ZNHIT3: variants seen among roughly 807,000 people sequenced by gnomAD.
ZNHIT3 encodes zinc finger HIT domain-containing protein 3.
A neutral mutation model predicts 19.9 loss-of-function variants in ZNHIT3; 27 were observed. The observed-to-expected ratio is 1.36, with a 90% CI of 1.00 to 1.87. ZNHIT3 has a LOEUF of 1.87. Among genes scored for constraint, ZNHIT3 ranks in the 40% most tolerant of loss-of-function variants. The pLI is 0.00. For missense variants in ZNHIT3, 215 were observed against 185.6 expected (o/e 1.16, Z -0.92); for synonymous variants, 81 against 65.7 (o/e 1.23, Z -1.13).
intron 2 of ZNHIT3, chr17:36,492,501 G>C (rs1452298740): frequency 3.1e-6 from 1 of 319,604 alleles, no homozygotes; most frequent in Non-Finnish European, 5.7e-6. Context: ...TATCCCATCT[G>C]GTATCTGGTT....
Position 36,486,972 on chromosome 17 carries a change from C to T in ZNHIT3, c.118+6C>T. 6.2e-7 allele frequency: 1 copy of T among 1,610,948 alleles called. No homozygotes were observed. Among genetic ancestry groups the T allele is most frequent in the Non-Finnish European group, 8.5e-7 (1 of 1,179,424 alleles). On this transcript the variant is annotated splice_donor_region_variant and intron_variant, in intron 2 of 4. Coordinates refer to ENST00000617429, the MANE Select transcript of ZNHIT3 (RefSeq NM_004773.4). ...CTGCTTCCGGAAGCACAAAGGTGAG[C>T]CCCGTCCCCGCCAGCCCTCGTACCA...
chr17:36,494,495 C>T lies in ZNHIT3; in HGVS notation c.286+489C>T, dbSNP rs564074779. On this transcript the variant is annotated intron_variant, in intron 4 of 4. Transcript: ENST00000617429. ...TCACATGATTTGATTTAGGGGGAAA[C>T]AGGTGTTGCCATTTTTGTAGCACTG... Among the ~76,000 whole-genome samples the T allele has an allele frequency of 9.8e-5, 15 of 152,326 alleles. No individual in the cohort carries two copies. The East Asian group carries it at 2.9e-3, about 29-fold the overall frequency.
chr17:36,497,989 G>A (rs375561834), downstream of ZNHIT3: 11 of 449,128 alleles, frequency 2.4e-5, no homozygotes, highest in African/African-American at 3.9e-5. Context: ...TGCTAGAAAC[G>A]CAGCATTGCA....
At chr17:36,498,658 T>C (rs2071223856), downstream of ZNHIT3, 1 of 1,370,718 alleles carries the variant, frequency 7.3e-7, no homozygotes, top group African/African-American at 1.5e-5. Flanking sequence ...CTTAACAAGG[T>C]GAACTGAAGG....
chr17:36,494,147 AC>A, intron 4 of ZNHIT3, 141 bp downstream of exon 4: 1 of 628,734 alleles, frequency 1.6e-6, no homozygotes, highest in South Asian at 2.0e-5. Context: ...CTGTAAACAT[AC>A]AGGGTTTCAC....
intron 4 of ZNHIT3, among the ~76,000 whole-genome samples, chr17:36,494,520 G>T (rs1159283360): frequency 6.6e-6 from 1 of 152,194 alleles, no homozygotes; most frequent in Non-Finnish European, 1.5e-5. Context: ...TTGTAGCACT[G>T]CTTATTCAGT....
rs910198910 is a variant in ZNHIT3, at chr17:36,495,608, A to G, written c.*204A>G. 1.6e-6 allele frequency: 2 copies of G among 1,290,302 alleles called. No homozygotes were observed. Among genetic ancestry groups the G allele is most frequent in the African/African-American group, 3.0e-5 (2 of 65,894 alleles). 79.9% of individuals were successfully genotyped at this position (1,290,302 alleles called of 1,614,324 possible). ...GGGTCCTTAAGGTGGCAAGTCCTTT[A>G]TGGAGAGAAAACTTGACATTCAGAT... On this transcript the variant is annotated 3_prime_UTR_variant, in exon 5 of 5. Transcript: ENST00000617429.
At chr17:36,493,773 CGGA>C (rs1458817215) in intron 3 of ZNHIT3, among the ~76,000 whole-genome samples, 150 bp from the exon 4 acceptor site, 1 of 152,198 alleles carries the variant, frequency 6.6e-6, no homozygotes, top group Non-Finnish European at 1.5e-5. Flanking sequence ...TCACAGACTC[CGGA>C]GAAGAGGATT....
intron 2 of ZNHIT3, chr17:36,490,168 T>A (rs1442012865): frequency 6.6e-6 from 1 of 152,144 alleles, no homozygotes; most frequent in Admixed American, 6.6e-5. Flanking sequence ...CCTAGACCAA[T>A]GTCCTGAAGC....
At chr17:36,496,496 G>C, downstream of ZNHIT3, 1 of 1,259,934 alleles carries the variant, frequency 7.9e-7, no homozygotes, top group Non-Finnish European at 1.1e-6. Flanking sequence ...AAAAATGCAA[G>C]AAGGTATGGA....
At chr17:36,493,588 G>A (rs556221343) in intron 3 of ZNHIT3, among the ~76,000 whole-genome samples, 1 of 152,382 alleles carries the variant, frequency 6.6e-6, no homozygotes, top group African/African-American at 2.4e-5. Context: ...GCCCATCACA[G>A]GGTTGGAGCC....
chr17:36,496,369 C>T (rs374818551), downstream of ZNHIT3: 22 of 1,613,896 alleles, frequency 1.4e-5, no homozygotes, highest in East Asian at 6.7e-5. Context: ...GTCAGCATAC[C>T]GCAGTGGAGA....
intron 2 of ZNHIT3, chr17:36,489,955 T>G (rs75259825): frequency 6.7e-5 from 10 of 150,110 alleles, no homozygotes; most frequent in African/African-American, 2.5e-4. Flanking sequence ...TTTTTTTTTT[T>G]GGCTGTTGAG....
At chr17:36,492,009 T>C (rs2070737939) in intron 2 of ZNHIT3, 1 of 152,280 alleles carries the variant, frequency 6.6e-6, no homozygotes, top group Non-Finnish European at 1.5e-5. Flanking sequence ...TGTATCTCAC[T>C]GTGTACCTGG....
At chr17:36,496,437 A>ACTAGTTCCTGGGAGTGCCAGGGC, downstream of ZNHIT3, 4 of 1,611,462 alleles carry the variant, frequency 2.5e-6, no homozygotes, top group Non-Finnish European at 3.4e-6. Context: ...CAGCTTTAGC[A>ACTAGTTCCTGGGAGTGCCAGGGC]CTAGTTCCTG....
downstream of ZNHIT3, chr17:36,499,205 A>G (rs1289137048): frequency 4.8e-6 from 7 of 1,471,930 alleles, no homozygotes; most frequent in Admixed American, 1.2e-4. Context: ...TAAAGGGGCC[A>G]TTAGAGCTGT....
rs140081743 is a variant in ZNHIT3 at position 36,486,703 on chromosome 17, G to C, written c.4G>C (p.Ala2Pro). 1.1e-5 allele frequency: 17 copies of C among 1,613,790 alleles called. No individual in the cohort carries two copies. Among genetic ancestry groups the C allele is most frequent in the Admixed American group, 1.7e-5 (1 of 59,984 alleles). Residue 2 changes from alanine to proline, a missense_variant, in exon 1 of 5, where the codon GCG becomes CCG. Coordinates refer to ENST00000617429, the MANE Select transcript of ZNHIT3 (RefSeq NM_004773.4). The stretch of plus-strand genomic sequence containing the variant: ...AACAGTCTCCTTCCACAAAACCATG[G>C]CGTCGCTCAAATGTAGCACCGTCGT... MASLKCSTVVCV... is the reference protein window; with the variant it reads MPSLKCSTVVCV...
chr17:36,493,171 G>C (rs955796981), intron 3 of ZNHIT3: 3 of 509,998 alleles, frequency 5.9e-6, no homozygotes, highest in South Asian at 2.4e-5. Flanking sequence ...GGTGGGCCCT[G>C]CTGGCAGGAG....
At chr17:36,487,567 G>C (rs2070603385) in intron 2 of ZNHIT3, among the ~76,000 whole-genome samples, 1 of 152,202 alleles carries the variant, frequency 6.6e-6, no homozygotes. Context: ...GCCAAGGCGG[G>C]TGGATCACCT....
Sources: allele counts gnomAD v4.1 joint callset (sites outside exome capture counted in the v4.1 genomes callset), GRCh38; gene constraint gnomAD v4.1.1; transcripts MANE v1.5; gene names NCBI Gene and HGNC (gene_info 2026-07-23, HGNC 2026-07-21).